Variants in OS9 observed in about 807,000 individuals in gnomAD.
The protein encoded by OS9 is OS9 endoplasmic reticulum lectin, also known as protein OS-9.
A neutral mutation model predicts 84.7 loss-of-function variants in OS9; 58 were observed. That is an observed-to-expected ratio of 0.68 (90% CI 0.55 to 0.85). OS9 has a LOEUF of 0.85. OS9 is among the 40% of genes least tolerant of loss of function. The pLI, the probability that OS9 is intolerant of heterozygous loss-of-function variation, is 0.00. For synonymous variants in OS9, 278 were observed against 320.8 expected, an observed-to-expected ratio of 0.87 and a Z score of 1.43; for missense variants, 760 against 850.9, an observed-to-expected ratio of 0.89 and a Z score of 1.33.
intron 5 of OS9, among the ~76,000 whole-genome samples, chr12:57,714,441 G>A (rs1954423299): frequency 6.6e-6 from 1 of 152,160 alleles, no homozygotes; most frequent in African/African-American, 2.4e-5. Context: ...CTGACCTCAG[G>A]TGATCCACCT....
At chr12:57,718,459 C>T (rs1954577557) in intron 11 of OS9, 38 bp downstream of exon 11, 1 of 1,595,484 alleles carries the variant, frequency 6.3e-7, no homozygotes, top group Non-Finnish European at 8.5e-7. Context: ...TCCACAGCCG[C>T]CTGGTCCCGT....
intron 5 of OS9, among the ~76,000 whole-genome samples, chr12:57,705,876 C>T (rs886578921): frequency 6.6e-6 from 1 of 152,122 alleles, no homozygotes. Flanking sequence ...ATTGGTTTTA[C>T]ATATTGATCT....
At chr12:57,705,033 C>T (rs1463276073) in intron 5 of OS9, among the ~76,000 whole-genome samples, 1 of 152,178 alleles carries the variant, frequency 6.6e-6, no homozygotes, top group Admixed American at 6.5e-5. Context: ...ATTTGTAATG[C>T]CTCCTCAGTT....
chr12:57,694,997 G>GGAGTCC (rs1348508594), intron 2 of OS9, 71 bp downstream of exon 2: 38 of 1,386,886 alleles, frequency 2.7e-5, no homozygotes, highest in Non-Finnish European at 3.8e-5. Flanking sequence ...GGAGTCCACT[G>GGAGTCC]AATGAGGCAG....
chr12:57,715,132 G>C (rs1954446495), intron 5 of OS9, among the ~76,000 whole-genome samples: 1 of 152,106 alleles, frequency 6.6e-6, no homozygotes, highest in South Asian at 2.1e-4. Context: ...GGGAGGCCAA[G>C]GTGGGTGGAT....
chr12:57,694,132 A>G lies in OS9; in HGVS notation c.-30A>G. ...CCGCTGCCTGGCTTAGGGCGGAAAC[A>G]GATTCTCTGCATAAGAAGGGGAACG... On this transcript the variant is annotated 5_prime_UTR_variant, in exon 1 of 15. Transcript: ENST00000315970. 6.2e-7 allele frequency: 1 copy of G among 1,613,648 alleles called. No homozygotes were observed. The highest frequency in any genetic ancestry group is 8.5e-7 in the Non-Finnish European group (1 of 1,179,580).
chr12:57,697,961 A>ACC (rs1469470893), intron 5 of OS9, among the ~76,000 whole-genome samples: 2 of 144,220 alleles, frequency 1.4e-5, no homozygotes, highest in African/African-American at 5.1e-5. Flanking sequence ...ACACACACAC[A>ACC]CACACCCTAT....
At position 57,721,239 on chromosome 12, in the gene OS9, T is replaced by G; in HGVS notation, c.*330T>G. On this transcript the variant is annotated 3_prime_UTR_variant, in exon 15 of 15. Coordinates refer to ENST00000315970, the MANE Select transcript of OS9 (RefSeq NM_006812.4). ...TACCTGGAGATTCAGTAGGATCTTT[T>G]GAGTGGAGGTGGGTAGAGAGAGCAA... 2 of 279,656 alleles carry G rather than the reference T, an allele frequency of 7.2e-6. No individual in the cohort carries two copies. The highest frequency in any genetic ancestry group is 3.4e-5 in the South Asian group (1 of 29,296). 17.3% of individuals were successfully genotyped at this position (279,656 alleles called of 1,614,324 possible).
At chr12:57,705,964 T>G (rs960113168) in intron 5 of OS9, among the ~76,000 whole-genome samples, 1 of 152,266 alleles carries the variant, frequency 6.6e-6, no homozygotes, top group South Asian at 2.1e-4. Context: ...TATAGATAAT[T>G]ATGTCATCTG....
Position 57,712,644 on chromosome 12 carries a change from T to C in OS9, c.580-3116T>C, listed in dbSNP as rs188281158. Among the ~76,000 whole-genome samples the C allele has an allele frequency of 2.1e-4, 32 of 152,308 alleles. No homozygotes were observed. The East Asian group carries it at 4.8e-3, about 23-fold the overall frequency. On this transcript the variant is annotated intron_variant, in intron 5 of 14. Coordinates refer to ENST00000315970, the MANE Select transcript of OS9 (RefSeq NM_006812.4). ...TTTACTGTTTCTGCATGTTTCATAA[T>C]TGTTGAAAATCAGACATTTTAGATA...
chr12:57,719,521 A>C, intron 12 of OS9: 1 of 263,410 alleles, frequency 3.8e-6, no homozygotes, highest in Non-Finnish European at 7.2e-6. Flanking sequence ...AAACCACTTT[A>C]GGACTTTGCA....
At chr12:57,720,634 G>A (rs1342934384) in intron 14 of OS9, 116 bp downstream of exon 14, 1 of 1,265,322 alleles carries the variant, frequency 7.9e-7, no homozygotes. Flanking sequence ...GACAAGGCTG[G>A]GGTTCCAGTG....
At chr12:57,716,352 T>C in intron 7 of OS9, 60 bp from the exon 8 acceptor site, 1 of 1,377,468 alleles carries the variant, frequency 7.3e-7, no homozygotes, top group Non-Finnish European at 1.0e-6. Flanking sequence ...CCATCCTATT[T>C]GCTCCCTTCT....
In OS9 at chr12:57,720,526, G is replaced by C. The variant is rs1954648582; in HGVS notation, c.1878+8G>C. The C allele has an allele frequency of 1.3e-6, 2 of 1,580,754 alleles. No individual in the cohort carries two copies. The highest frequency in any genetic ancestry group is 2.2e-5 in the East Asian group (1 of 44,736). On this transcript the variant is annotated splice_region_variant and intron_variant, in intron 14 of 14. Coordinates refer to ENST00000315970, the MANE Select transcript of OS9 (RefSeq NM_006812.4). ...ATCTTCTTCAATATCTTGGTAAGAGGCTTCTACCCCCGAGTCCTGGCCCCC... is the reference window on the plus strand; with the variant it reads ...ATCTTCTTCAATATCTTGGTAAGAGCCTTCTACCCCCGAGTCCTGGCCCCC...
chr12:57,696,311 C>T lies in OS9; in HGVS notation c.517C>T (p.Gln173Ter), dbSNP rs148590939. The T allele has an allele frequency of 1.2e-6, 2 of 1,613,710 alleles. No individual in the cohort carries two copies. The highest frequency in any genetic ancestry group is 1.7e-5 in the Admixed American group (1 of 59,934). Residue 173 changes from glutamine to a stop codon, truncating the protein, a stop_gained, in exon 5 of 15, where the codon CAG (glutamine) becomes TAG (stop). Coordinates refer to ENST00000315970, the MANE Select transcript of OS9 (RefSeq NM_006812.4). LOFTEE classifies it high-confidence loss of function. Reference sequence around the variant, plus strand: ...GCATCGTCTTAAACGCTACCACAGCCAGACCTATGGCAATGGGTCCAAGTG... The same window carrying T: ...GCATCGTCTTAAACGCTACCACAGCTAGACCTATGGCAATGGGTCCAAGTG... ...KQHRLKRYHS[Q>*]TYGNGSKCDL...
At chr12:57,703,722 G>A (rs890919371) in intron 5 of OS9, among the ~76,000 whole-genome samples, 6 of 151,444 alleles carry the variant, frequency 4.0e-5, no homozygotes, top group African/African-American at 9.7e-5. Context: ...ATATTGTTAT[G>A]GATATTTGGG....
intron 9 of OS9, among the ~76,000 whole-genome samples, chr12:57,717,004 C>A (rs1954520521): frequency 6.6e-6 from 1 of 152,148 alleles, no homozygotes; most frequent in African/African-American, 2.4e-5. Context: ...ATAACCCCTA[C>A]CTTAGAGGGT....
At chr12:57,715,018 A>G (rs140547441) in intron 5 of OS9, among the ~76,000 whole-genome samples, 9 of 152,284 alleles carry the variant, frequency 5.9e-5, no homozygotes, top group East Asian at 3.9e-4. Flanking sequence ...GTTTTTTACC[A>G]TATGCACATA....
At position 57,716,520 on chromosome 12, in the gene OS9, C is replaced by T; in HGVS notation, c.993+8C>T. 6.4e-7 allele frequency: 1 copy of T among 1,566,554 alleles called. No individual in the cohort carries two copies. Among genetic ancestry groups the T allele is most frequent in the South Asian group, 1.2e-5 (1 of 86,226 alleles). ...GAGGAGGTGCCGGCTGAGGTGAGAC[C>T]AGCTGCCTCAGAGGAGCAGGATGGG... On this transcript the variant is annotated splice_region_variant and intron_variant, in intron 8 of 14. Transcript: ENST00000315970.
Sources: gnomAD v4.1 joint callset for allele counts (sites outside exome capture counted in the v4.1 genomes callset) on GRCh38, gnomAD v4.1.1 for gene constraint, MANE v1.5 for transcripts, NCBI Gene and HGNC (gene_info 2026-07-23, HGNC 2026-07-21) for gene names.